Variants in KLHL18 observed in about 807,000 individuals in gnomAD.
The protein encoded by KLHL18 is kelch-like protein 18.
KLHL18 carries 38 observed loss-of-function variants against 58.5 expected under a neutral mutation model. That is an observed-to-expected ratio of 0.65 (90% CI 0.50 to 0.85). The LOEUF is 0.85. Ranked by LOEUF, KLHL18 falls within the 40% of genes least tolerant of loss-of-function variation. KLHL18 has a pLI of 0.00. For missense variants in KLHL18, 624 were observed against 778.4 expected, an observed-to-expected ratio of 0.80 and a Z score of 2.36; for synonymous variants, 303 against 301.9, an observed-to-expected ratio of 1.00 and a Z score of -0.04.
Position 47,334,806 on chromosome 3 carries a change from C to T in KLHL18, c.885C>T (p.Gly295=). 1 of 1,613,198 alleles carries T rather than the reference C, an allele frequency of 6.2e-7. No individual in the cohort carries two copies. The highest frequency in any genetic ancestry group is 8.5e-7 in the Non-Finnish European group (1 of 1,179,628). The change falls in exon 6 of 10, where the codon GGC becomes GGT. Residue 295 remains glycine (G), a synonymous_variant. Coordinates refer to ENST00000232766, the MANE Select transcript of KLHL18 (RefSeq NM_025010.5). The surrounding 1 kb of genome is among the most constrained non-coding windows in gnomAD (Gnocchi z 4.7). ...CTGGACTTATCTACGCTGTAGGGGG[C>T]CTCAACTCAGCAGGTACCTTGCGGC... The part of the protein sequence containing the change: ...SIAGLIYAVG[G]LNSAGDSLNV...
Position 47,334,940 on chromosome 3 carries a change from T to G in KLHL18, c.898+121T>G. 1.0e-6 allele frequency: 1 copy of G among 986,844 alleles called. No homozygotes were observed. The highest frequency in any genetic ancestry group is 1.5e-6 in the Non-Finnish European group (1 of 676,616). 61.1% of individuals were successfully genotyped at this position (986,844 alleles called of 1,614,324 possible). A position where few individuals can be genotyped will look rare whatever the true frequency, so the allele number is the denominator to read the frequency against. On this transcript the variant is annotated intron_variant, in intron 6 of 9. Transcript: ENST00000232766. This position sits in a 1 kb window ranked among gnomAD's most constrained non-coding sequence, Gnocchi z 4.7. Reference sequence around the variant, plus strand: ...TGTACTGTCACCACCCTTGCCCCTCTTGATTTTATACAATTGCTCTACAGT... The same window carrying G: ...TGTACTGTCACCACCCTTGCCCCTCGTGATTTTATACAATTGCTCTACAGT...
chr3:47,285,905 G>A (rs149622678), intron 1 of KLHL18, among the ~76,000 whole-genome samples: 114 of 152,244 alleles, frequency 7.5e-4, no homozygotes, highest in African/African-American at 2.6e-3. Context: ...CTGTAGTGGT[G>A]TGTACCTTTA....
In KLHL18 at chr3:47,319,675, C is replaced by G; in HGVS notation, c.152C>G (p.Ala51Gly). 1.9e-6 allele frequency: 3 copies of G among 1,613,712 alleles called. No individual in the cohort carries two copies. Among genetic ancestry groups the G allele is most frequent in the Non-Finnish European group, 2.5e-6 (3 of 1,179,754 alleles). Residue 51 changes from alanine (A) to glycine (G), a missense_variant, in exon 2 of 10, where the codon GCC (alanine) becomes GGC (glycine). Physicochemically the swap from Ala to Gly is moderately conservative, Grantham distance 60. Coordinates refer to ENST00000232766, the MANE Select transcript of KLHL18 (RefSeq NM_025010.5). ...TLKIGDHKFSAHRIVLAASIP... is the reference protein window; with the variant it reads ...TLKIGDHKFSGHRIVLAASIP... ...CAGATTGGGGACCACAAATTCAGTG[C>G]CCACCGGATTGTCTTAGCAGCCTCG... is the stretch of plus-strand genomic sequence containing the variant.
In KLHL18 at chr3:47,327,758, T is replaced by C. The variant is rs528642946; in HGVS notation, c.402-2193T>C. ...GCTGGAATGAAATAACTATGTAGAA[T>C]TTTGACTAGTCATAAAGCCAGGCTC... is the stretch of plus-strand genomic sequence containing the variant. On this transcript the variant is annotated intron_variant, in intron 3 of 9. Transcript: ENST00000232766. Among the ~76,000 whole-genome samples, 8 of 152,348 alleles carry C rather than the reference T, an allele frequency of 5.3e-5. No homozygotes were observed. The South Asian group carries it at 1.4e-3, about 28-fold the overall frequency.
intron 1 of KLHL18, among the ~76,000 whole-genome samples, chr3:47,318,504 ATGT>A (rs986740026): frequency 4.6e-5 from 7 of 152,192 alleles, no homozygotes; most frequent in Non-Finnish European, 8.8e-5. Context: ...CAACCCTGAC[ATGT>A]TGTGGGAGGG....
chr3:47,343,921 A>C lies in KLHL18; in HGVS notation c.1705A>C (p.Ile569Leu). 6.2e-7 allele frequency: 1 copy of C among 1,613,844 alleles called. No individual in the cohort carries two copies. Residue 569 changes from isoleucine (I) to leucine (L), a missense_variant, in exon 10 of 10, where the codon ATC (isoleucine) becomes CTC (leucine). Transcript: ENST00000232766. Reference protein sequence around the residue: ...CHEGGVGVGCIPLLTI With the variant: ...CHEGGVGVGCLPLLTI ...TGAGGGAGGGGTCGGTGTGGGCTGC[A>C]TCCCTCTCCTCACCATCTAAGGCAG... is the stretch of plus-strand genomic sequence containing the variant.
chr3:47,293,643 A>G (rs561689029), intron 1 of KLHL18, among the ~76,000 whole-genome samples: 6 of 152,244 alleles, frequency 3.9e-5, no homozygotes, highest in African/African-American at 4.8e-5. Context: ...TAACCTTGAC[A>G]GAGCTATTTT....
chr3:47,311,013 C>CT (rs372494094), intron 1 of KLHL18, among the ~76,000 whole-genome samples: 3,196 of 144,566 alleles, frequency 0.022, 46 homozygotes, highest in Non-Finnish European at 0.032. Context: ...TTTCCTGATA[C>CT]TTTTTTTTTT....
chr3:47,300,287 T>TTTTATATATATATA (rs1553630130), intron 1 of KLHL18, among the ~76,000 whole-genome samples: 19 of 133,126 alleles, frequency 1.4e-4, no homozygotes, highest in Non-Finnish European at 2.9e-4. Context: ...CACCGGCATT[T>TTTTATATATATATA]TATATATATA....
At chr3:47,326,917 A>G (rs1469422021) in intron 3 of KLHL18, among the ~76,000 whole-genome samples, 1 of 148,742 alleles carries the variant, frequency 6.7e-6, no homozygotes, top group Non-Finnish European at 1.5e-5. Flanking sequence ...GCGAAGCTAC[A>G]TCTCAAAAAA....
chr3:47,343,583 C>T lies in KLHL18; in HGVS notation c.1367C>T (p.Thr456Ile), dbSNP rs756848067. Reference protein sequence around the residue: ...SVEHYNHHTATWHPAAGMLNK... With the variant: ...SVEHYNHHTAIWHPAAGMLNK... ...GAACACTACAACCACCACACAGCCA[C>T]CTGGCACCCTGCAGCTGGCATGCTC... The change falls in exon 10 of 10, where the codon ACC becomes ATC. Residue 456 changes from threonine to isoleucine, a missense_variant. Transcript: ENST00000232766. 1 of 1,613,892 alleles carries T rather than the reference C, an allele frequency of 6.2e-7. No individual in the cohort carries two copies. Among genetic ancestry groups the T allele is most frequent in the South Asian group, 1.1e-5 (1 of 91,060 alleles).
chr3:47,305,206 T>G (rs1414213405), intron 1 of KLHL18, among the ~76,000 whole-genome samples: 1 of 151,986 alleles, frequency 6.6e-6, no homozygotes, highest in Non-Finnish European at 1.5e-5. Flanking sequence ...ATCTTAGGGG[T>G]GAGCGTTCAG....
chr3:47,298,111 G>A (rs543756597), intron 1 of KLHL18, among the ~76,000 whole-genome samples: 11 of 151,978 alleles, frequency 7.2e-5, no homozygotes, highest in East Asian at 3.9e-4. Context: ...CAGGTGCAGC[G>A]GCTCACACCT....
chr3:47,295,310 A>G (rs890380113), intron 1 of KLHL18, among the ~76,000 whole-genome samples: 30 of 152,270 alleles, frequency 2.0e-4, no homozygotes, highest in Admixed American at 1.7e-3. Flanking sequence ...TATTCTTGAT[A>G]TTCAGAGTCC....
In KLHL18 at chr3:47,300,287, T is replaced by TTATATATATATATATA. The variant is rs1207306389; in HGVS notation, c.129+17201_129+17216dup. 4.2e-3 allele frequency among the ~76,000 whole-genome samples: 553 copies of TTATATATATATATATA among 133,042 alleles called. 1 individual carries two copies. The highest frequency in any genetic ancestry group is 5.7e-3 in the Non-Finnish European group (360 of 62,852). 87.3% of individuals were successfully genotyped at this position (133,042 alleles called of 152,430 possible). ...ATTCTTTTGCATCCTCACCGGCATT[T>TTATATATATATATATA]TATATATATATATATATATATATGT... On this transcript the variant is annotated intron_variant, in intron 1 of 9. Transcript: ENST00000232766.
At chr3:47,300,335 A>G (rs972648890) in intron 1 of KLHL18, among the ~76,000 whole-genome samples, 3 of 146,936 alleles carry the variant, frequency 2.0e-5, no homozygotes, top group Admixed American at 6.9e-5. Flanking sequence ...ATATGTATAT[A>G]CGTGTGTATG....
At chr3:47,321,403 A>G (rs532540387) in intron 2 of KLHL18, among the ~76,000 whole-genome samples, 6 of 151,576 alleles carry the variant, frequency 4.0e-5, no homozygotes, top group East Asian at 1.9e-4. Context: ...CTAGAATGCA[A>G]TGACATGATC....
chr3:47,295,021 C>T (rs1702868437), intron 1 of KLHL18, among the ~76,000 whole-genome samples: 1 of 152,048 alleles, frequency 6.6e-6, no homozygotes, highest in Non-Finnish European at 1.5e-5. Context: ...AAACGTGCCT[C>T]TACCTCATGT....
intron 1 of KLHL18, among the ~76,000 whole-genome samples, chr3:47,303,354 T>C (rs535665204): frequency 1.3e-5 from 2 of 152,278 alleles, no homozygotes; most frequent in South Asian, 4.1e-4. Flanking sequence ...GACATTGTGT[T>C]TGGGGGCAGG....
Sources: gnomAD v4.1 joint callset for allele counts (sites outside exome capture counted in the v4.1 genomes callset) on GRCh38, gnomAD v4.1.1 for gene constraint, Gnocchi (gnomAD v3.1) non-coding constraint, MANE v1.5 for transcripts, NCBI Gene and HGNC (gene_info 2026-07-23, HGNC 2026-07-21) for gene names.